The following SPAG16 variants were observed in gnomAD, a reference collection of about 807,000 sequenced individuals.
The protein encoded by SPAG16 is sperm associated antigen 16, also known as sperm-associated antigen 16 protein.
Under a neutral mutation model 80.4 loss-of-function variants are expected in SPAG16, and 86 were observed. The observed-to-expected ratio is 1.07, with a 90% CI of 0.90 to 1.28. The LOEUF (loss-of-function observed/expected upper bound fraction) is 1.28, where lower values mean the gene tolerates loss of function less well. Ranked by LOEUF, SPAG16 falls within the 50% of genes most tolerant of loss-of-function variation. The pLI is 0.00. For missense variants in SPAG16, 870 were observed against 765.3 expected (o/e 1.14, Z -1.61); for synonymous variants, 294 against 265.9 (o/e 1.11, Z -1.03).
chr2:213,368,383 T>C (rs913233200), intron 8 of SPAG16, among the ~76,000 whole-genome samples: 2 of 152,302 alleles, frequency 1.3e-5, no homozygotes. Flanking sequence ...TGCTAAAAAC[T>C]CTCAAAAATT....
At chr2:213,968,310 G>A (rs1247509808) in intron 12 of SPAG16, among the ~76,000 whole-genome samples, 2 of 152,046 alleles carry the variant, frequency 1.3e-5, no homozygotes, top group Non-Finnish European at 2.9e-5. Context: ...AAGCAGCTGG[G>A]ATTACAGGCA....
Position 213,813,295 on chromosome 2 carries a change from A to C in SPAG16, c.1071-49190A>C, listed in dbSNP as rs992513060. On this transcript the variant is annotated intron_variant, in intron 10 of 15. Coordinates refer to ENST00000331683, the MANE Select transcript of SPAG16 (RefSeq NM_024532.5). ...TAAAATGGGTAAGAAGCAAAGAATA[A>C]ACATTTTAATGAAATCTCAAAGGTC... Among the ~76,000 whole-genome samples, 3 of 152,208 alleles carry C rather than the reference A, an allele frequency of 2.0e-5. No individual in the cohort carries two copies. In the East Asian group the frequency reaches 5.8e-4, roughly 29 times the overall value.
intron 15 of SPAG16, among the ~76,000 whole-genome samples, chr2:214,368,922 A>C (rs1699650372): frequency 6.6e-6 from 1 of 151,960 alleles, no homozygotes; most frequent in South Asian, 2.1e-4. Context: ...TATCCCCTTA[A>C]TCAAAAATCT....
At chr2:213,838,439 C>T (rs1423163950) in intron 10 of SPAG16, among the ~76,000 whole-genome samples, 1 of 152,166 alleles carries the variant, frequency 6.6e-6, no homozygotes, top group Non-Finnish European at 1.5e-5. Flanking sequence ...TTCCAAAGTG[C>T]TGGGATTACA....
intron 10 of SPAG16, among the ~76,000 whole-genome samples, chr2:213,710,647 T>C (rs748201575): frequency 6.6e-6 from 1 of 152,212 alleles, no homozygotes; most frequent in African/African-American, 2.4e-5. Flanking sequence ...AACATGGCTT[T>C]TCCCCCAATG....
At chr2:214,338,395 T>C (rs190631795) in intron 15 of SPAG16, among the ~76,000 whole-genome samples, 341 of 152,178 alleles carry the variant, frequency 2.2e-3, no homozygotes, top group African/African-American at 7.9e-3. Context: ...ATGCCTGTAG[T>C]CCCAGCTACT....
chr2:213,615,483 C>T (rs10168070), intron 10 of SPAG16, among the ~76,000 whole-genome samples: 3,762 of 152,072 alleles, frequency 0.025, 152 homozygotes, highest in African/African-American at 0.085. Flanking sequence ...CCCAGCTACT[C>T]GGGAGGCTGA....
chr2:213,915,208 C>T (rs2077897124), intron 11 of SPAG16, among the ~76,000 whole-genome samples: 1 of 151,892 alleles, frequency 6.6e-6, no homozygotes, highest in African/African-American at 2.4e-5. Context: ...TATACATGTG[C>T]CATGGTGGTT....
At chr2:214,191,772 T>TA (rs898052706) in intron 15 of SPAG16, among the ~76,000 whole-genome samples, 1 of 138,618 alleles carries the variant, frequency 7.2e-6, no homozygotes, top group Admixed American at 7.1e-5. Context: ...GAACCAATCA[T>TA]AAAAAAGAGT....
At chr2:213,973,323 G>T (rs758472257) in intron 12 of SPAG16, among the ~76,000 whole-genome samples, 1 of 151,998 alleles carries the variant, frequency 6.6e-6, no homozygotes, top group East Asian at 1.9e-4. Context: ...TTTTACCTCA[G>T]TTGGCTGCAG....
intron 12 of SPAG16, among the ~76,000 whole-genome samples, chr2:213,981,590 G>A (rs760937026): frequency 2.0e-5 from 3 of 151,994 alleles, no homozygotes; most frequent in Non-Finnish European, 2.9e-5. Flanking sequence ...GAGATTAATA[G>A]CAATGGAAGA....
chr2:214,321,151 GAGAA>G (rs1322585927), intron 15 of SPAG16, among the ~76,000 whole-genome samples: 24 of 152,236 alleles, frequency 1.6e-4, no homozygotes, highest in African/African-American at 5.8e-4. Context: ...ATGGCTATCA[GAGAA>G]AGAATAATTG....
At chr2:214,142,234 A>G (rs2055400104) in intron 14 of SPAG16, among the ~76,000 whole-genome samples, 1 of 152,156 alleles carries the variant, frequency 6.6e-6, no homozygotes, top group African/African-American at 2.4e-5. Flanking sequence ...GGATTTCTCA[A>G]GTCATTTTAG....
intron 15 of SPAG16, among the ~76,000 whole-genome samples, chr2:214,372,257 T>C (rs1282193440): frequency 6.6e-6 from 1 of 152,178 alleles, no homozygotes; most frequent in Admixed American, 6.5e-5. Flanking sequence ...ATAGAAATTG[T>C]ATAAACAGCC....
chr2:213,542,644 T>A (rs533786025), intron 10 of SPAG16, among the ~76,000 whole-genome samples: 1 of 152,184 alleles, frequency 6.6e-6, no homozygotes, highest in African/African-American at 2.4e-5. Context: ...AGTATAAGAA[T>A]ATTGCGAATT....
At position 214,153,139 on chromosome 2, in the gene SPAG16, C is replaced by A. The variant is rs184972911; in HGVS notation, c.1720+3873C>A. On this transcript the variant is annotated intron_variant, in intron 15 of 15. Transcript: ENST00000331683. ...GGTCTGCTAAGTAGTGGGTGTTGTT[C>A]CTTGACACATTTCGCTACCGCTAGA... is the stretch of plus-strand genomic sequence containing the variant. Among the ~76,000 whole-genome samples the A allele has an allele frequency of 6.8e-3, 1,036 of 152,132 alleles. 6 individuals are homozygous for A. The highest frequency in any genetic ancestry group is 9.6e-3 in the Non-Finnish European group (656 of 67,986).
chr2:213,874,148 G>A (rs995194962), intron 11 of SPAG16, among the ~76,000 whole-genome samples: 1 of 152,104 alleles, frequency 6.6e-6, no homozygotes, highest in African/African-American at 2.4e-5. Flanking sequence ...GTAAGTCAGT[G>A]AGTGAGTGGT....
chr2:213,716,517 C>T, intron 10 of SPAG16, among the ~76,000 whole-genome samples: 1 of 152,172 alleles, frequency 6.6e-6, no homozygotes, highest in Admixed American at 6.5e-5. Flanking sequence ...TAAGAAACAT[C>T]CTTAACCAGG....
intron 10 of SPAG16, among the ~76,000 whole-genome samples, chr2:213,550,428 A>G (rs1575936282): frequency 6.6e-6 from 1 of 152,068 alleles, no homozygotes; most frequent in Non-Finnish European, 1.5e-5. Flanking sequence ...CTTCAAGAAA[A>G]TCTTTAGCAA....
Sources: gnomAD v4.1 joint callset for allele counts (sites outside exome capture counted in the v4.1 genomes callset) on GRCh38, gnomAD v4.1.1 for gene constraint, MANE v1.5 for transcripts, NCBI Gene and HGNC (gene_info 2026-07-23, HGNC 2026-07-21) for gene names.